The following SPICE1 variants were observed in gnomAD, a reference collection of about 807,000 sequenced individuals.
SPICE1 encodes the protein spindle and centriole-associated protein 1.
SPICE1 carries 75 observed loss-of-function variants against 102.7 expected under a neutral mutation model. That is an observed-to-expected ratio of 0.73 (90% CI 0.61 to 0.88). The LOEUF is 0.88. SPICE1 is among the 40% of genes least tolerant of loss of function. SPICE1 has a pLI of 0.00. For missense variants in SPICE1, 979 were observed against 1,020.1 expected (o/e 0.96, Z 0.55); for synonymous variants, 308 against 350.3 (o/e 0.88, Z 1.35).
intron 1 of SPICE1, among the ~76,000 whole-genome samples, chr3:113,507,665 C>T (rs1175967177): frequency 6.6e-6 from 1 of 152,048 alleles, no homozygotes; most frequent in Non-Finnish European, 1.5e-5. Context: ...AAGTCACATA[C>T]AAGTTAGAAA....
chr3:113,514,924 C>G lies in SPICE1; in HGVS notation c.-28G>C. 4 of 1,128,080 alleles carry G rather than the reference C, an allele frequency of 3.5e-6. No individual in the cohort carries two copies. Among genetic ancestry groups the G allele is most frequent in the Non-Finnish European group, 4.5e-6 (4 of 893,604 alleles). 69.9% of individuals were successfully genotyped at this position (1,128,080 alleles called of 1,614,324 possible). A position where few individuals can be genotyped will look rare whatever the true frequency, so the allele number is the denominator to read the frequency against. ...GCACTCTCAAAACACAGAGCCGCGGCTGCGCTTCCTGAAGTAAGGATTCCC... is the reference window on the plus strand; with the variant it reads ...GCACTCTCAAAACACAGAGCCGCGGGTGCGCTTCCTGAAGTAAGGATTCCC... On this transcript the variant is annotated 5_prime_UTR_variant, in exon 1 of 18. Coordinates refer to ENST00000295872, the MANE Select transcript of SPICE1 (RefSeq NM_144718.4).
At chr3:113,467,899 T>C (rs1271405600) in intron 10 of SPICE1, among the ~76,000 whole-genome samples, 3 of 91,244 alleles carry the variant, frequency 3.3e-5, no homozygotes, top group East Asian at 4.1e-4. Context: ...TTTACCCTAC[T>C]AATTATAATT....
At chr3:113,500,718 C>T (rs1378884738) in intron 3 of SPICE1, among the ~76,000 whole-genome samples, 1 of 152,012 alleles carries the variant, frequency 6.6e-6, no homozygotes, top group African/African-American at 2.4e-5. Flanking sequence ...TCTCCATTTT[C>T]CCTTGAGTTT....
At position 113,443,685 on chromosome 3, in the gene SPICE1, A is replaced by G. The variant is rs1399896113; in HGVS notation, c.*1622T>C. On this transcript the variant is annotated 3_prime_UTR_variant, in exon 18 of 18. Coordinates refer to ENST00000295872, the MANE Select transcript of SPICE1 (RefSeq NM_144718.4). ...ACTCTCCAACAAGAGGCAGCACAGCATAGGCTTTGGAGAAAGACTGCCTAT... is the reference window on the plus strand; with the variant it reads ...ACTCTCCAACAAGAGGCAGCACAGCGTAGGCTTTGGAGAAAGACTGCCTAT... 6 of 152,254 alleles carry G rather than the reference A, an allele frequency of 3.9e-5. No individual in the cohort carries two copies. Among genetic ancestry groups the G allele is most frequent in the Non-Finnish European group, 4.4e-5 (3 of 68,054 alleles). 9.4% of individuals were successfully genotyped at this position (152,254 alleles called of 1,614,324 possible). A position where few individuals can be genotyped will look rare whatever the true frequency, so the allele number is the denominator to read the frequency against.
intron 1 of SPICE1, chr3:113,514,680 CCT>C (rs1937288348): frequency 1.1e-6 from 1 of 938,018 alleles, no homozygotes. Flanking sequence ...CTGAGAAGCC[CCT>C]CTGACATCCA....
chr3:113,469,204 A>C lies in SPICE1; in HGVS notation c.646T>G (p.Leu216Val). 6.3e-7 allele frequency: 1 copy of C among 1,594,634 alleles called. No individual in the cohort carries two copies. Among genetic ancestry groups the C allele is most frequent in the Non-Finnish European group, 8.5e-7 (1 of 1,169,666 alleles). Residue 216 changes from leucine (L) to valine (V), a missense_variant, in exon 8 of 18, where the codon TTA becomes GTA. Leu to Val is a conservative substitution (Grantham distance 32). Coordinates refer to ENST00000295872, the MANE Select transcript of SPICE1 (RefSeq NM_144718.4). ...LQQLTEENFE[L>V]ISKLWTDIQQ... ...ATGTCAGTCCACAACTTACTAATTA[A>C]CTCAAAATTCTCTTCTGTTAGTTGT...
At chr3:113,457,033 A>T in intron 13 of SPICE1, 103 bp downstream of exon 13, 2 of 1,112,828 alleles carry the variant, frequency 1.8e-6, no homozygotes, top group Admixed American at 2.3e-5. Flanking sequence ...TGTGGTAATC[A>T]GTGTCTTTTT....
Position 113,480,912 on chromosome 3 carries a change from T to TAAAGAAAG in SPICE1, c.611+8025_611+8032dup, listed in dbSNP as rs1553768641. Among the ~76,000 whole-genome samples, 151 of 106,500 alleles carry TAAAGAAAG rather than the reference T, an allele frequency of 1.4e-3. 2 individuals are homozygous for TAAAGAAAG. Among genetic ancestry groups the TAAAGAAAG allele is most frequent in the Middle Eastern group, 4.3e-3 (1 of 234 alleles). 69.9% of individuals were successfully genotyped at this position (106,500 alleles called of 152,430 possible). A position where few individuals can be genotyped will look rare whatever the true frequency, so the allele number is the denominator to read the frequency against. ...AAAAATAACAATGATTTTAAAAATT[T>TAAAGAAAG]AAAGAAAGAAAGAAAGAAAAAAGAC... is the stretch of plus-strand genomic sequence containing the variant. On this transcript the variant is annotated intron_variant, in intron 7 of 17. Coordinates refer to ENST00000295872, the MANE Select transcript of SPICE1 (RefSeq NM_144718.4).
At chr3:113,461,258 TGAGA>T (rs201675595) in intron 11 of SPICE1, among the ~76,000 whole-genome samples, 8 of 151,888 alleles carry the variant, frequency 5.3e-5, no homozygotes, top group Non-Finnish European at 1.0e-4. Context: ...CATACGTGCA[TGAGA>T]GAGATAACAC....
chr3:113,457,008 A>G, intron 13 of SPICE1, 128 bp downstream of exon 13: 1 of 866,022 alleles, frequency 1.2e-6, no homozygotes. Context: ...TTCTTCCTTC[A>G]GCTTAAAGGC....
At position 113,453,544 on chromosome 3, in the gene SPICE1, A is replaced by G; in HGVS notation, c.2064T>C (p.Asn688=). The change falls in exon 14 of 18, where the codon AAT becomes AAC. Residue 688 remains asparagine (N), a synonymous_variant. Coordinates refer to ENST00000295872, the MANE Select transcript of SPICE1 (RefSeq NM_144718.4). Reference sequence around the variant, plus strand: ...CTTGCTCTCCTCTGGGCTCAATAATATTATTCATATGTGCCTTGATAGCTG... The same window carrying G: ...CTTGCTCTCCTCTGGGCTCAATAATGTTATTCATATGTGCCTTGATAGCTG... The part of the protein sequence containing the change: ...QNSAIKAHMN[N]IIEPRGEQGD... The G allele has an allele frequency of 3.1e-6, 5 of 1,614,064 alleles. No individual in the cohort carries two copies. Among genetic ancestry groups the G allele is most frequent in the African/African-American group, 2.7e-5 (2 of 75,008 alleles).
In SPICE1 at chr3:113,457,263, AG is replaced by A. The variant is rs1935800047; in HGVS notation, c.1529del (p.Ser510PhefsTer10). 30 of 1,614,074 alleles carry A rather than the reference AG, an allele frequency of 1.9e-5. No homozygotes were observed. Among genetic ancestry groups the A allele is most frequent in the Non-Finnish European group, 2.5e-5 (30 of 1,180,038 alleles). On this transcript the variant is annotated frameshift_variant, in exon 13 of 18. Transcript: ENST00000295872. LOFTEE classifies it high-confidence loss of function. ...FPQEELPVKLSQVPDPPDNMN... is the reference protein window; with the variant it reads ...FPQEELPVKLXQVPDPPDNMN... Reference sequence around the variant, plus strand: ...TGTTATCTGGAGGGTCTGGCACCTGAGACAGTTTAACGGGCAACTCTTCCTG... The same window carrying A: ...TGTTATCTGGAGGGTCTGGCACCTGAACAGTTTAACGGGCAACTCTTCCTG...
rs892592358 is a variant in SPICE1, at chr3:113,479,245, G to A, written c.611+9700C>T. The stretch of plus-strand genomic sequence containing the variant: ...GTGGTGTTTGGTTTTTTGTCCTTGC[G>A]ATAGTTTACTGAGAATGATGATTTC... On this transcript the variant is annotated intron_variant, in intron 7 of 17. Transcript: ENST00000295872. 1.0e-4 allele frequency among the ~76,000 whole-genome samples: 15 copies of A among 149,812 alleles called. No homozygotes were observed. The South Asian group carries it at 1.1e-3, about 11-fold the overall frequency.
At chr3:113,471,847 TC>T (rs1383957663) in intron 7 of SPICE1, among the ~76,000 whole-genome samples, 1 of 152,092 alleles carries the variant, frequency 6.6e-6, no homozygotes, top group African/African-American at 2.4e-5. Flanking sequence ...GGTCTACAGC[TC>T]CCAGCGTGAG....
chr3:113,501,405 A>T (rs1490191192), intron 3 of SPICE1, among the ~76,000 whole-genome samples: 1 of 152,188 alleles, frequency 6.6e-6, no homozygotes, highest in African/African-American at 2.4e-5. Flanking sequence ...AAAATAAAAA[A>T]CAGGTAAATT....
chr3:113,507,305 C>A (rs147288332), intron 1 of SPICE1, among the ~76,000 whole-genome samples: 201 of 152,080 alleles, frequency 1.3e-3, no homozygotes, highest in African/African-American at 4.4e-3. Context: ...AGAAAAAGAC[C>A]CATAGTCCCC....
chr3:113,446,881 G>A (rs111883353), intron 16 of SPICE1, among the ~76,000 whole-genome samples: 4 of 152,184 alleles, frequency 2.6e-5, no homozygotes, highest in South Asian at 4.1e-4. Flanking sequence ...TGGTTTGGCT[G>A]TGTCCCCACC....
At chr3:113,459,914 C>T in intron 12 of SPICE1, 1 of 985,092 alleles carries the variant, frequency 1.0e-6, no homozygotes, top group Non-Finnish European at 1.2e-6. Flanking sequence ...TAGCAAGACT[C>T]CACCAGAAGA....
At position 113,468,834 on chromosome 3, in the gene SPICE1, C is replaced by T. The variant is rs2107464314; in HGVS notation, c.817G>A (p.Glu273Lys). 2 of 1,614,168 alleles carry T rather than the reference C, an allele frequency of 1.2e-6. No individual in the cohort carries two copies. The highest frequency in any genetic ancestry group is 1.7e-6 in the Non-Finnish European group (2 of 1,180,022). The change falls in exon 9 of 18, where the codon GAG becomes AAG. Residue 273 changes from glutamate (E) to lysine (K), a missense_variant. Coordinates refer to ENST00000295872, the MANE Select transcript of SPICE1 (RefSeq NM_144718.4). Reference protein sequence around the residue: ...QTRLQPEESTETLDSSYVVGH... With the variant: ...QTRLQPEESTKTLDSSYVVGH... The stretch of plus-strand genomic sequence containing the variant: ...ACAACGTAGCTTGAGTCTAGAGTCT[C>T]AGTAGATTCTTCAGGCTGAAGCCTG...
Sources: gnomAD v4.1 joint callset for allele counts (sites outside exome capture counted in the v4.1 genomes callset) on GRCh38, gnomAD v4.1.1 for gene constraint, MANE v1.5 for transcripts, NCBI Gene and HGNC (gene_info 2026-07-23, HGNC 2026-07-21) for gene names.